Variants in THTPA observed in about 807,000 individuals in gnomAD.
THTPA encodes the protein thiamine-triphosphatase.
A neutral mutation model predicts 16.5 loss-of-function variants in THTPA; 16 were observed. The observed-to-expected ratio is 0.97, with a 90% CI of 0.66 to 1.47. The LOEUF is 1.47. THTPA is among the 40% of genes most tolerant of loss of function. The pLI is 0.00. For synonymous variants in THTPA, 110 were observed against 115.5 expected, an observed-to-expected ratio of 0.95 and a Z score of 0.30; for missense variants, 281 against 280.9, an observed-to-expected ratio of 1.00 and a Z score of 0.00.
the THTPA span, among the ~76,000 whole-genome samples, chr14:23,550,982 C>T: frequency 6.6e-6 from 1 of 152,068 alleles, no homozygotes. Flanking sequence ...CCGGGATCCC[C>T]GCTCCCTGCC....
the THTPA span, among the ~76,000 whole-genome samples, chr14:23,520,450 G>T: frequency 3.3e-5 from 5 of 152,102 alleles, no homozygotes; most frequent in African/African-American, 1.2e-4. This position sits in a 1 kb window ranked among gnomAD's most constrained non-coding sequence, Gnocchi z 8.7. Context: ...GAGAAGGCAG[G>T]AGATGAAAGA....
At chr14:23,519,529 C>T in the THTPA span, among the ~76,000 whole-genome samples, 2 of 152,112 alleles carry the variant, frequency 1.3e-5, no homozygotes, top group Non-Finnish European at 2.9e-5. Context: ...TGGCCAGTTT[C>T]TCTCCTGTTG....
chr14:23,525,173 A>G, the THTPA span: 2 of 1,536,152 alleles, frequency 1.3e-6, no homozygotes, highest in Non-Finnish European at 1.7e-6. The surrounding 1 kb of genome is among the most constrained non-coding windows in gnomAD (Gnocchi z 5.9). Context: ...GGCAGGCACC[A>G]GGGGAGGAAG....
chr14:23,550,174 G>A, the THTPA span, among the ~76,000 whole-genome samples: 1 of 152,224 alleles, frequency 6.6e-6, no homozygotes, highest in Admixed American at 6.5e-5. Flanking sequence ...ACATGGCAAA[G>A]GGGACAGTCA....
chr14:23,520,114 A>G, the THTPA span, among the ~76,000 whole-genome samples: 5 of 152,116 alleles, frequency 3.3e-5, no homozygotes, highest in African/African-American at 7.2e-5. The surrounding 1 kb of genome is among the most constrained non-coding windows in gnomAD (Gnocchi z 8.7). Flanking sequence ...ACATTCTTCT[A>G]GGTTCTGTTG....
At chr14:23,548,877 C>T in the THTPA span, among the ~76,000 whole-genome samples, 2 of 152,214 alleles carry the variant, frequency 1.3e-5, no homozygotes, top group African/African-American at 2.4e-5. Flanking sequence ...GCTCTCTTCG[C>T]ATCAGTCACG....
the THTPA span, chr14:23,534,632 G>C: frequency 3.3e-6 from 5 of 1,536,186 alleles, no homozygotes; most frequent in East Asian, 9.8e-5. This position sits in a 1 kb window ranked among gnomAD's most constrained non-coding sequence, Gnocchi z 4.5. Context: ...ACCGCCACGT[G>C]GTTGCCCCCG....
chr14:23,552,532 C>G (rs1279115726), upstream of THTPA, among the ~76,000 whole-genome samples: 2 of 151,902 alleles, frequency 1.3e-5, no homozygotes, highest in Non-Finnish European at 2.9e-5. Context: ...ACCTTGTGAT[C>G]CGCCTGCCTC....
At chr14:23,522,726 G>T in the THTPA span, 10 of 1,536,478 alleles carry the variant, frequency 6.5e-6, no homozygotes, top group South Asian at 9.5e-5. Flanking sequence ...GAGCTGGTGG[G>T]GCCTGCAACT....
At position 23,556,535 on chromosome 14, in the gene THTPA, A is replaced by G; in HGVS notation, c.-223A>G. The G allele has an allele frequency of 1.7e-6, 1 of 575,952 alleles. No individual in the cohort carries two copies. The highest frequency in any genetic ancestry group is 3.1e-6 in the Non-Finnish European group (1 of 326,572). 35.7% of individuals were successfully genotyped at this position (575,952 alleles called of 1,614,324 possible). A position where few individuals can be genotyped will look rare whatever the true frequency, so the allele number is the denominator to read the frequency against. On this transcript the variant is annotated 5_prime_UTR_variant, in exon 1 of 2. Transcript: ENST00000288014. ...GCAGCAGTGGAAGGGATTTTACTGG[A>G]GACCTGTCACTGTCAGAGCCTTAAA...
chr14:23,527,684 C>G, the THTPA span: 1 of 1,536,296 alleles, frequency 6.5e-7, no homozygotes, highest in South Asian at 1.2e-5. Flanking sequence ...GGCCGGCCCA[C>G]CAGCTGTTCC....
chr14:23,526,068 G>A, the THTPA span: 1 of 1,536,516 alleles, frequency 6.5e-7, no homozygotes. Context: ...GGCTCTTCTT[G>A]GCTGCGTTCT....
the THTPA span, chr14:23,526,281 T>C: frequency 6.5e-7 from 1 of 1,536,304 alleles, no homozygotes; most frequent in South Asian, 1.2e-5. Context: ...ATGGCAGCCT[T>C]CTTCATCTTG....
the THTPA span, chr14:23,526,422 G>A: frequency 2.1e-4 from 326 of 1,536,260 alleles, 1 homozygote; most frequent in South Asian, 6.7e-4. Context: ...GTGGTTTTCC[G>A]ATAGGTCAGA....
At chr14:23,540,584 CTAT>C in the THTPA span, among the ~76,000 whole-genome samples, 2 of 152,150 alleles carry the variant, frequency 1.3e-5, no homozygotes, top group African/African-American at 4.8e-5. Context: ...TAGATGAGCT[CTAT>C]TTTTTAGGGC....
At chr14:23,548,995 G>A in the THTPA span, among the ~76,000 whole-genome samples, 2 of 151,782 alleles carry the variant, frequency 1.3e-5, no homozygotes, top group East Asian at 3.9e-4. Context: ...GCACTCCTTC[G>A]TTTGCCATCC....
At chr14:23,535,794 G>A in the THTPA span, among the ~76,000 whole-genome samples, 1 of 152,182 alleles carries the variant, frequency 6.6e-6, no homozygotes, top group Middle Eastern at 3.4e-3. The surrounding 1 kb of genome is among the most constrained non-coding windows in gnomAD (Gnocchi z 4.5). Context: ...GTTTCTCCGT[G>A]TTGGTCAGGC....
chr14:23,522,348 C>A, the THTPA span: 23 of 1,535,482 alleles, frequency 1.5e-5, no homozygotes, highest in Non-Finnish European at 2.0e-5. Flanking sequence ...GTTACATCCA[C>A]GGTGGAGATG....
the THTPA span, among the ~76,000 whole-genome samples, chr14:23,519,866 A>G: frequency 1.3e-5 from 2 of 152,316 alleles, no homozygotes; most frequent in Non-Finnish European, 2.9e-5. Context: ...TATGAAATGG[A>G]TAATGATAGA....
Sources: allele counts gnomAD v4.1 joint callset (sites outside exome capture counted in the v4.1 genomes callset), GRCh38; gene constraint gnomAD v4.1.1; non-coding constraint Gnocchi (gnomAD v3.1); transcripts MANE v1.5; gene names NCBI Gene and HGNC (gene_info 2026-07-23, HGNC 2026-07-21).